Variants in GRM5 observed in about 807,000 individuals in gnomAD.
GRM5 encodes the protein metabotropic glutamate receptor 5.
Under a neutral mutation model 83.1 loss-of-function variants are expected in GRM5, and 19 were observed. The ratio of observed to expected loss-of-function variants is 0.23; its 90% CI spans 0.16 to 0.34. GRM5 has a LOEUF of 0.34. Among genes scored for constraint, GRM5 ranks in the 10% least tolerant of loss-of-function variants. GRM5 has a pLI of 1.00. For synonymous variants in GRM5, 675 were observed against 633.6 expected (o/e 1.07, Z -0.98); for missense variants, 1,160 against 1,588.3 (o/e 0.73, Z 4.58).
intron 1 of GRM5, among the ~76,000 whole-genome samples, chr11:89,061,097 A>G (rs1009800402): frequency 6.6e-6 from 1 of 152,166 alleles, no homozygotes; most frequent in East Asian, 1.9e-4. Flanking sequence ...GTATATCAAC[A>G]TATATAAAAA....
chr11:88,987,593 C>T (rs1939772393), intron 2 of GRM5, among the ~76,000 whole-genome samples: 1 of 152,064 alleles, frequency 6.6e-6, no homozygotes, highest in Non-Finnish European at 1.5e-5. Context: ...GTAACCTCTG[C>T]AGACTTAAAT....
chr11:88,982,112 T>C lies in GRM5; in HGVS notation c.661+65100A>G, dbSNP rs368573244. On this transcript the variant is annotated intron_variant, in intron 2 of 9. Transcript: ENST00000305447. ...GTAACCAATATTTTTGCAAGTCAAA[T>C]AGATTCCAATTTTTTGTTTCTATCA... Among the ~76,000 whole-genome samples, 24 of 152,322 alleles carry C rather than the reference T, an allele frequency of 1.6e-4. No individual in the cohort carries two copies. In the South Asian group the frequency reaches 4.8e-3, roughly 30 times the overall value.
intron 2 of GRM5, among the ~76,000 whole-genome samples, chr11:88,918,606 G>C (rs1945635921): frequency 6.6e-6 from 1 of 152,030 alleles, no homozygotes; most frequent in South Asian, 2.1e-4. Context: ...TACTGTAACT[G>C]TAATTGTGGT....
intron 2 of GRM5, among the ~76,000 whole-genome samples, chr11:88,963,999 G>A (rs759983365): frequency 6.6e-6 from 1 of 152,164 alleles, no homozygotes; most frequent in Non-Finnish European, 1.5e-5. Flanking sequence ...CTAGGATGGA[G>A]ATTTAGTTTA....
chr11:88,520,290 G>A (rs1941646379), intron 9 of GRM5, among the ~76,000 whole-genome samples: 1 of 152,112 alleles, frequency 6.6e-6, no homozygotes, highest in Admixed American at 6.6e-5. Context: ...GATAAATAAA[G>A]TGAAGGTTAT....
intron 3 of GRM5, among the ~76,000 whole-genome samples, chr11:88,691,992 C>T (rs933684611): frequency 6.6e-6 from 1 of 152,218 alleles, no homozygotes; most frequent in African/African-American, 2.4e-5. Flanking sequence ...TTAGCTGGTG[C>T]TCAGTTCTCC....
At chr11:89,054,609 T>A (rs11018442) in intron 1 of GRM5, among the ~76,000 whole-genome samples, 138,517 of 151,912 alleles carry the variant, frequency 0.91, 63,159 homozygotes, top group East Asian at 0.92. Context: ...GAGAAAAGAA[T>A]CTAGTGCCAG....
chr11:88,691,835 G>C (rs764003608), intron 3 of GRM5, among the ~76,000 whole-genome samples: 2 of 152,078 alleles, frequency 1.3e-5, no homozygotes, highest in African/African-American at 4.8e-5. Flanking sequence ...CAAGGAATAC[G>C]ACAACAATCG....
At chr11:88,800,811 C>T (rs1943379049) in intron 3 of GRM5, among the ~76,000 whole-genome samples, 1 of 152,064 alleles carries the variant, frequency 6.6e-6, no homozygotes, top group South Asian at 2.1e-4. Context: ...ACCTGCTAGG[C>T]TACTTTCCAG....
rs563468815 is a variant in GRM5 at position 88,688,715 on chromosome 11, G to C, written c.912-35312C>G. On this transcript the variant is annotated intron_variant, in intron 3 of 9. Transcript: ENST00000305447. Reference sequence around the variant, plus strand: ...TTGTCAAAGACATCAAAGATGAACAGAATCTCTCTTTTATTTGCTCACAAA... The same window carrying C: ...TTGTCAAAGACATCAAAGATGAACACAATCTCTCTTTTATTTGCTCACAAA... 3.9e-5 allele frequency among the ~76,000 whole-genome samples: 6 copies of C among 152,018 alleles called. No individual in the cohort carries two copies. The South Asian group carries it at 1.2e-3, about 32-fold the overall frequency.
intron 2 of GRM5, among the ~76,000 whole-genome samples, chr11:88,898,602 T>G (rs1174126623): frequency 6.6e-6 from 1 of 151,856 alleles, no homozygotes; most frequent in Non-Finnish European, 1.5e-5. Flanking sequence ...ATATATACGG[T>G]CACCCTGTTA....
intron 3 of GRM5, among the ~76,000 whole-genome samples, chr11:88,826,332 T>C (rs1332641423): frequency 6.6e-6 from 1 of 152,094 alleles, no homozygotes; most frequent in Non-Finnish European, 1.5e-5. Flanking sequence ...AGTACATATT[T>C]GCTGTTTTTC....
At chr11:88,818,870 A>G (rs752308167) in intron 3 of GRM5, among the ~76,000 whole-genome samples, 9 of 152,222 alleles carry the variant, frequency 5.9e-5, no homozygotes, top group African/African-American at 2.2e-4. Context: ...AAAAGTTGTT[A>G]TGGTTGGACA....
At chr11:89,036,279 AC>A (rs937602336) in intron 2 of GRM5, among the ~76,000 whole-genome samples, 1 of 152,024 alleles carries the variant, frequency 6.6e-6, no homozygotes, top group Non-Finnish European at 1.5e-5. Context: ...AGCAATAAGC[AC>A]CCTACCTTTT....
chr11:88,940,603 C>T (rs1938059289), intron 2 of GRM5, among the ~76,000 whole-genome samples: 1 of 151,344 alleles, frequency 6.6e-6, no homozygotes, highest in African/African-American at 2.4e-5. Flanking sequence ...TTTAATGGAA[C>T]ATTAAATTCC....
chr11:89,064,950 G>GAT (rs1388641492), intron 1 of GRM5, among the ~76,000 whole-genome samples: 7 of 121,786 alleles, frequency 5.7e-5, no homozygotes, highest in East Asian at 2.7e-4. Flanking sequence ...GGGAGAGAGA[G>GAT]ATATTATTTT....
chr11:88,911,881 C>A (rs184557427), intron 2 of GRM5: 2 of 362,064 alleles, frequency 5.5e-6, no homozygotes, highest in Non-Finnish European at 1.1e-5. Flanking sequence ...AAGAAAAAGT[C>A]CCTCTTTTGG....
chr11:88,779,619 A>ACACACACCCTCATACCCACC (rs1182827257), intron 3 of GRM5, among the ~76,000 whole-genome samples: 14 of 152,164 alleles, frequency 9.2e-5, no homozygotes, highest in Non-Finnish European at 1.9e-4. Context: ...ATATACTCAC[A>ACACACACCCTCATACCCACC]CACACACCCT....
chr11:88,659,598 A>G (rs1939852528), intron 3 of GRM5, among the ~76,000 whole-genome samples: 1 of 152,316 alleles, frequency 6.6e-6, no homozygotes, highest in East Asian at 1.9e-4. Flanking sequence ...AATTATTTCT[A>G]TCATTCATTA....
Sources: allele counts gnomAD v4.1 joint callset (sites outside exome capture counted in the v4.1 genomes callset), GRCh38; gene constraint gnomAD v4.1.1; transcripts MANE v1.5; gene names NCBI Gene and HGNC (gene_info 2026-07-23, HGNC 2026-07-21).